SMC6: variants seen among roughly 807,000 people sequenced by gnomAD.
SMC6 encodes the protein structural maintenance of chromosomes 6, also known as structural maintenance of chromosomes protein 6.
Under a neutral mutation model 142.2 loss-of-function variants are expected in SMC6, and 79 were observed. The observed-to-expected ratio is 0.56, with a 90% confidence interval of 0.46 to 0.67. SMC6 has a LOEUF of 0.67. Ranked by LOEUF, SMC6 falls within the 30% of genes least tolerant of loss-of-function variation. The pLI is 0.00. For synonymous variants in SMC6, 411 were observed against 412.4 expected, an observed-to-expected ratio of 1.00 and a Z score of 0.04; for missense variants, 1,072 against 1,284.0, an observed-to-expected ratio of 0.83 and a Z score of 2.52.
At chr2:17,667,116 A>G (rs1228067242) in intron 26 of SMC6, among the ~76,000 whole-genome samples, 1 of 152,240 alleles carries the variant, frequency 6.6e-6, no homozygotes, top group African/African-American at 2.4e-5. Flanking sequence ...ATCAGAAAAT[A>G]TTCTCCTGAC....
chr2:17,699,059 A>C (rs191035304), intron 21 of SMC6, among the ~76,000 whole-genome samples: 1 of 152,088 alleles, frequency 6.6e-6, no homozygotes, highest in Non-Finnish European at 1.5e-5. Context: ...AGCCTTCTAA[A>C]CATAATTTTT....
chr2:17,670,230 G>C (rs145633685), intron 26 of SMC6, among the ~76,000 whole-genome samples, 193 bp downstream of exon 26: 1 of 152,144 alleles, frequency 6.6e-6, no homozygotes, highest in African/African-American at 2.4e-5. Context: ...GGGTCTCTAG[G>C]GTTACTGTGT....
intron 16 of SMC6, chr2:17,713,664 G>A (rs1308142409): frequency 6.0e-6 from 2 of 332,724 alleles, no homozygotes; most frequent in Non-Finnish European, 1.3e-5. Flanking sequence ...AGAAACCTAG[G>A]AGTCATCCTG....
At chr2:17,693,914 C>T (rs1283167064) in intron 23 of SMC6, among the ~76,000 whole-genome samples, 5 of 146,492 alleles carry the variant, frequency 3.4e-5, no homozygotes, top group South Asian at 2.1e-4. Flanking sequence ...ACAGGAGAAT[C>T]GCTTGAACCC....
rs368234720 is a variant in SMC6 at position 17,735,347 on chromosome 2, T to C, written c.344+2874A>G. On this transcript the variant is annotated intron_variant, in intron 5 of 27. Transcript: ENST00000448223. Reference sequence around the variant, plus strand: ...GGCTTCTTTCTCAACTCAGGAACAATCTATCTACACGGAAGTAACTGGCAG... The same window carrying C: ...GGCTTCTTTCTCAACTCAGGAACAACCTATCTACACGGAAGTAACTGGCAG... 1.1e-4 allele frequency among the ~76,000 whole-genome samples: 16 copies of C among 151,910 alleles called. No individual in the cohort carries two copies. The East Asian group carries it at 3.1e-3, about 29-fold the overall frequency.
At chr2:17,691,935 T>C (rs1667752848) in intron 23 of SMC6, among the ~76,000 whole-genome samples, 1 of 152,170 alleles carries the variant, frequency 6.6e-6, no homozygotes, top group Admixed American at 6.5e-5. Context: ...AGACAAATCA[T>C]GAGTGAACTC....
chr2:17,698,136 G>A lies in SMC6; in HGVS notation c.2395-1710C>T, dbSNP rs558774683. Among the ~76,000 whole-genome samples, 9 of 152,138 alleles carry A rather than the reference G, an allele frequency of 5.9e-5. No individual in the cohort carries two copies. The East Asian group carries it at 1.7e-3, about 29-fold the overall frequency. ...TTGTTTTTGCCAGGGGATGGGAACAGGAGAGAATTGGGAGTGTCTGTTAAT... is the reference window on the plus strand; with the variant it reads ...TTGTTTTTGCCAGGGGATGGGAACAAGAGAGAATTGGGAGTGTCTGTTAAT... On this transcript the variant is annotated intron_variant, in intron 21 of 27. Coordinates refer to ENST00000448223, the MANE Select transcript of SMC6 (RefSeq NM_001142286.2).
At chr2:17,682,477 G>C (rs1261537141) in intron 24 of SMC6, among the ~76,000 whole-genome samples, 1 of 152,194 alleles carries the variant, frequency 6.6e-6, no homozygotes, top group African/African-American at 2.4e-5. Flanking sequence ...ATAAACTCCA[G>C]AGGATCTATA....
At chr2:17,670,351 T>A (rs1307159197) in intron 26 of SMC6, 72 bp downstream of exon 26, 2 of 1,463,460 alleles carry the variant, frequency 1.4e-6, no homozygotes, top group African/African-American at 2.9e-5. Context: ...TAAAGAAAGA[T>A]TTCCTTCCTT....
chr2:17,702,027 A>G, intron 19 of SMC6, 118 bp from the exon 20 acceptor site: 1 of 605,282 alleles, frequency 1.7e-6, no homozygotes, highest in Non-Finnish European at 2.9e-6. Context: ...TTCCATAATT[A>G]ATGAAAGGGG....
chr2:17,738,072 G>A (rs554163423), intron 5 of SMC6, 149 bp downstream of exon 5: 21 of 603,346 alleles, frequency 3.5e-5, no homozygotes, highest in African/African-American at 3.3e-4. Context: ...GCAACAAGGG[G>A]TAAAAGAAAG....
At chr2:17,733,356 A>G (rs73921059) in intron 5 of SMC6, among the ~76,000 whole-genome samples, 11,322 of 152,294 alleles carry the variant, frequency 0.074, 798 homozygotes, top group African/African-American at 0.19. Context: ...TGAGCTAAAT[A>G]TAGAAATTTT....
At chr2:17,675,374 A>G (rs1666953425) in intron 25 of SMC6, among the ~76,000 whole-genome samples, 1 of 152,050 alleles carries the variant, frequency 6.6e-6, no homozygotes, top group Admixed American at 6.6e-5. Context: ...CTATTCAGCA[A>G]TATTATTATT....
chr2:17,743,410 C>CTAAG (rs60995758), intron 3 of SMC6, among the ~76,000 whole-genome samples: 5,464 of 151,534 alleles, frequency 0.036, 279 homozygotes, highest in African/African-American at 0.11. Flanking sequence ...TTAGACCTAA[C>CTAAG]TATTTCATTT....
chr2:17,752,172 C>CCT (rs1671075829), intron 2 of SMC6, among the ~76,000 whole-genome samples: 2 of 152,088 alleles, frequency 1.3e-5, no homozygotes, highest in Non-Finnish European at 2.9e-5. Context: ...AATGACAGCC[C>CCT]CTCTCTCTCA....
rs200681279 is a variant in SMC6 at position 17,700,400 on chromosome 2, A to G, written c.2224-22T>C. On this transcript the variant is annotated intron_variant, in intron 20 of 27. Transcript: ENST00000448223. ...CTTCCTGATAAAATTTAAACAGCAT[A>G]TAAGGTTAATTAAAATACTTTAAGT... The G allele has an allele frequency of 1.4e-5, 22 of 1,539,818 alleles. No homozygotes were observed. In the Admixed American group the frequency reaches 4.4e-4, roughly 31 times the overall value.
chr2:17,731,582 T>C (rs1167307420), intron 6 of SMC6, among the ~76,000 whole-genome samples, 159 bp downstream of exon 6: 1 of 152,086 alleles, frequency 6.6e-6, no homozygotes, highest in Non-Finnish European at 1.5e-5. Context: ...AAAACAACCA[T>C]GTGTAACATA....
chr2:17,720,668 G>A (rs1669322692), intron 11 of SMC6, among the ~76,000 whole-genome samples: 1 of 151,970 alleles, frequency 6.6e-6, no homozygotes, highest in Non-Finnish European at 1.5e-5. Context: ...CTTCTTCTAT[G>A]TCTTGTCAGT....
At chr2:17,721,101 T>C (rs1669349418) in intron 10 of SMC6, 41 bp downstream of exon 10, 3 of 1,611,528 alleles carry the variant, frequency 1.9e-6, no homozygotes, top group African/African-American at 1.3e-5. Flanking sequence ...ACATTCTGCA[T>C]ATCACATAGA....
Sources: gnomAD v4.1 joint callset for allele counts (sites outside exome capture counted in the v4.1 genomes callset) on GRCh38, gnomAD v4.1.1 for gene constraint, MANE v1.5 for transcripts, NCBI Gene and HGNC (gene_info 2026-07-23, HGNC 2026-07-21) for gene names.